The following KCTD15 variants were observed in gnomAD, a reference collection of about 807,000 sequenced individuals.
KCTD15 encodes the protein potassium channel tetramerization domain containing 15, also known as BTB/POZ domain-containing protein KCTD15.
In KCTD15, 11 loss-of-function variants were observed where a neutral mutation model predicts 27.2. The ratio of observed to expected loss-of-function variants is 0.41; its 90% CI spans 0.25 to 0.67. KCTD15 has a LOEUF of 0.67. Among genes scored for constraint, KCTD15 ranks in the 30% least tolerant of loss-of-function variants. The probability of loss-of-function intolerance (pLI) is 0.35; values close to 1 mark genes in which losing one functional copy is unlikely to be tolerated. For missense variants in KCTD15, 350 were observed against 409.3 expected (o/e 0.86, Z 1.25); for synonymous variants, 163 against 176.0 (o/e 0.93, Z 0.58).
intron 2 of KCTD15, among the ~76,000 whole-genome samples, chr19:33,799,006 G>C (rs943807866): frequency 1.3e-5 from 2 of 152,292 alleles, no homozygotes; most frequent in East Asian, 1.9e-4. Context: ...GAGCCTCCTA[G>C]GGCAGGATAA....
At chr19:33,797,280 GT>G (rs1975361102) in intron 1 of KCTD15, 1 of 139,016 alleles carries the variant, frequency 7.2e-6, no homozygotes, top group Admixed American at 8.8e-5. Flanking sequence ...GTGTGTGTGT[GT>G]GTGCGCGCGC....
At chr19:33,794,552 A>G (rs995221126), upstream of KCTD15, among the ~76,000 whole-genome samples, 2 of 152,192 alleles carry the variant, frequency 1.3e-5, no homozygotes, top group Non-Finnish European at 2.9e-5. Flanking sequence ...AGGAGCCATG[A>G]CAAGCGGATT....
At chr19:33,800,390 G>T in intron 2 of KCTD15, 38 bp from the exon 3 acceptor site, 1 of 1,481,082 alleles carries the variant, frequency 6.8e-7, no homozygotes, top group Admixed American at 1.9e-5. Flanking sequence ...TGACTAGGAG[G>T]AATAAGCCTT....
intron 1 of KCTD15, chr19:33,797,256 G>T (rs893741328): frequency 4.3e-6 from 1 of 233,364 alleles, no homozygotes; most frequent in South Asian, 2.6e-5. Context: ...CGGTGTGTGT[G>T]TGTGTGTGTG....
intron 5 of KCTD15, among the ~76,000 whole-genome samples, chr19:33,808,436 C>T (rs1446213748): frequency 6.6e-6 from 1 of 152,064 alleles, no homozygotes; most frequent in Non-Finnish European, 1.5e-5. Context: ...GAAGGCAGAA[C>T]GGGGCCAAAC....
chr19:33,795,176 T>C (rs1182961916), upstream of KCTD15, among the ~76,000 whole-genome samples: 1 of 152,272 alleles, frequency 6.6e-6, no homozygotes, highest in East Asian at 1.9e-4. Context: ...ATAATTGAAC[T>C]AACTGCAGGG....
chr19:33,800,561 C>G, intron 3 of KCTD15, 41 bp downstream of exon 3: 3 of 1,536,976 alleles, frequency 2.0e-6, no homozygotes, highest in Non-Finnish European at 2.6e-6. Context: ...CGGGAGTTCC[C>G]TCTTTCCCTT....
At chr19:33,794,958 C>G (rs1278544639), upstream of KCTD15, among the ~76,000 whole-genome samples, 5 of 152,214 alleles carry the variant, frequency 3.3e-5, no homozygotes, top group African/African-American at 1.2e-4. Context: ...CCGGAGGTAC[C>G]GGGGCGTAGG....
intron 5 of KCTD15, among the ~76,000 whole-genome samples, chr19:33,808,166 G>A (rs1028816779): frequency 2.0e-5 from 3 of 152,222 alleles, no homozygotes; most frequent in African/African-American, 7.2e-5. Flanking sequence ...ACACTGGCAT[G>A]TATTAATACT....
At position 33,811,452 on chromosome 19, in the gene KCTD15, G is replaced by T; in HGVS notation, c.593G>T (p.Gly198Val). Residue 198 changes from glycine to valine, a missense_variant, in exon 6 of 7, where the codon GGA (glycine) becomes GTA (valine). Gly to Val is a moderately radical substitution (Grantham distance 109, BLOSUM62 -3). Coordinates refer to ENST00000683859, the MANE Select transcript of KCTD15 (RefSeq NM_001129994.2). The stretch of plus-strand genomic sequence containing the variant: ...ATCGAGGAGGTCTTCCCCGAGACCG[G>T]AGACGTCATGTGCAACTCCGTCAAC... The part of the protein sequence containing the change: ...ALIEEVFPET[G>V]DVMCNSVNAG... The T allele has an allele frequency of 6.2e-7, 1 of 1,612,904 alleles. No individual in the cohort carries two copies.
At chr19:33,808,971 C>A (rs571062312) in intron 5 of KCTD15, among the ~76,000 whole-genome samples, 1 of 151,448 alleles carries the variant, frequency 6.6e-6, no homozygotes, top group Non-Finnish European at 1.5e-5. Context: ...GCTGTCTATA[C>A]AAATTTGTTT....
chr19:33,812,809 A>T lies in KCTD15; in HGVS notation c.713A>T (p.Gln238Leu). The change falls in exon 7 of 7, where the codon CAG (glutamine) becomes CTG (leucine). Residue 238 changes from glutamine (Q) to leucine (L), a missense_variant. Coordinates refer to ENST00000683859, the MANE Select transcript of KCTD15 (RefSeq NM_001129994.2). The part of the protein sequence containing the change: ...NSVQVLERLF[Q>L]RGFSVAASCG... Reference sequence around the variant, plus strand: ...GGGCAGGTCCTGGAGCGGCTGTTCCAGAGGGGTTTCAGCGTGGCTGCGTCC... The same window carrying T: ...GGGCAGGTCCTGGAGCGGCTGTTCCTGAGGGGTTTCAGCGTGGCTGCGTCC... 1 of 1,494,704 alleles carries T rather than the reference A, an allele frequency of 6.7e-7. No homozygotes were observed. Among genetic ancestry groups the T allele is most frequent in the Non-Finnish European group, 8.9e-7 (1 of 1,117,826 alleles). The allele number at this position is 1,494,704 out of a possible 1,614,324, so 92.6% of individuals were successfully genotyped here.
chr19:33,802,228 G>A (rs981051165), intron 4 of KCTD15, among the ~76,000 whole-genome samples: 2 of 152,194 alleles, frequency 1.3e-5, no homozygotes, highest in African/African-American at 2.4e-5. Flanking sequence ...GGCGGTCATC[G>A]CTCCCCTGGG....
At chr19:33,797,247 G>GGTGC (rs759501955) in intron 1 of KCTD15, among the ~76,000 whole-genome samples, 10 of 120,712 alleles carry the variant, frequency 8.3e-5, no homozygotes, top group African/African-American at 3.1e-4. Context: ...CCTGCCGCGC[G>GGTGC]GTGTGTGTGT....
At chr19:33,811,574 C>A in intron 6 of KCTD15, 22 bp downstream of exon 6, 1 of 1,571,684 alleles carries the variant, frequency 6.4e-7, no homozygotes, top group Non-Finnish European at 8.6e-7. Flanking sequence ...ACGCTGCCCC[C>A]TCCCCGCCGC....
At position 33,813,499 on chromosome 19, in the gene KCTD15, G is replaced by T; in HGVS notation, c.*551G>T. 2.3e-6 allele frequency: 1 copy of T among 428,836 alleles called. No individual in the cohort carries two copies. The highest frequency in any genetic ancestry group is 4.7e-6 in the Non-Finnish European group (1 of 214,250). 26.6% of individuals were successfully genotyped at this position (428,836 alleles called of 1,614,324 possible). Reference sequence around the variant, plus strand: ...GGTGGACCAGCTGCCTGGCATTCAGGCCCAGATGCCTGCAGGGCTGGGGCT... The same window carrying T: ...GGTGGACCAGCTGCCTGGCATTCAGTCCCAGATGCCTGCAGGGCTGGGGCT... On this transcript the variant is annotated 3_prime_UTR_variant, in exon 7 of 7. Coordinates refer to ENST00000683859, the MANE Select transcript of KCTD15 (RefSeq NM_001129994.2).
At chr19:33,798,433 G>GGGCGGGCGGGGCTCGGC (rs955756018) in intron 1 of KCTD15, 1 of 152,202 alleles carries the variant, frequency 6.6e-6, no homozygotes, top group Non-Finnish European at 1.5e-5. Context: ...CTCTCTGCTC[G>GGGCGGGCGGGGCTCGGC]GGCGGGCGGG....
intron 1 of KCTD15, chr19:33,797,258 GT>G: frequency 4.0e-6 from 1 of 247,994 alleles, no homozygotes; most frequent in Non-Finnish European, 7.9e-6. Context: ...GTGTGTGTGT[GT>G]GTGTGTGTGT....
chr19:33,797,247 G>GGTGT (rs751185346), intron 1 of KCTD15, among the ~76,000 whole-genome samples: 1,875 of 120,656 alleles, frequency 0.016, 19 homozygotes, highest in Middle Eastern at 0.029. Context: ...CCTGCCGCGC[G>GGTGT]GTGTGTGTGT....
Sources: allele counts gnomAD v4.1 joint callset (sites outside exome capture counted in the v4.1 genomes callset), GRCh38; gene constraint gnomAD v4.1.1; transcripts MANE v1.5; gene names NCBI Gene and HGNC (gene_info 2026-07-23, HGNC 2026-07-21).